Variants in DYNC1I1 observed in about 807,000 individuals in gnomAD.
DYNC1I1 encodes cytoplasmic dynein 1 intermediate chain 1.
A neutral mutation model predicts 86.6 loss-of-function variants in DYNC1I1; 43 were observed. The ratio of observed to expected loss-of-function variants is 0.50; its 90% confidence interval spans 0.39 to 0.64. DYNC1I1 has a LOEUF of 0.64. DYNC1I1 is among the 30% of genes least tolerant of loss of function. The pLI, the probability that DYNC1I1 is intolerant of heterozygous loss-of-function variation, is 0.00. For missense variants in DYNC1I1, 604 were observed against 788.8 expected (o/e 0.77, Z 2.81); for synonymous variants, 262 against 283.7 (o/e 0.92, Z 0.77).
At chr7:96,001,097 A>G (rs1289360094) in intron 10 of DYNC1I1, among the ~76,000 whole-genome samples, 3 of 152,208 alleles carry the variant, frequency 2.0e-5, no homozygotes, top group African/African-American at 4.8e-5. Context: ...TTGTCAACAC[A>G]GAACTCCAGC....
intron 14 of DYNC1I1, among the ~76,000 whole-genome samples, chr7:96,054,086 A>G (rs2116124717): frequency 6.6e-6 from 1 of 152,240 alleles, no homozygotes; most frequent in East Asian, 1.9e-4. Flanking sequence ...TGCTGCACCC[A>G]TCAACCCGTC....
At position 95,797,220 on chromosome 7, in the gene DYNC1I1, T is replaced by TA. The variant is rs199583059; in HGVS notation, c.-9-7492dup. ...GAATTGTGAGCTAAACTAGCGGCCT[T>TA]AAAAAAAAAGAAACACTATTTTTTA... On this transcript the variant is annotated intron_variant, in intron 1 of 16. Transcript: ENST00000447467. Among the ~76,000 whole-genome samples the TA allele has an allele frequency of 5.2e-3, 783 of 151,122 alleles. 7 individuals are homozygous for TA. The highest frequency in any genetic ancestry group is 0.018 in the African/African-American group (742 of 41,292).
chr7:95,988,586 T>A (rs1793654485), intron 9 of DYNC1I1, among the ~76,000 whole-genome samples: 1 of 152,122 alleles, frequency 6.6e-6, no homozygotes, highest in Admixed American at 6.5e-5. Context: ...ACATCAGAAT[T>A]TGAACCTAAG....
At chr7:95,931,553 T>C (rs1791898719) in intron 6 of DYNC1I1, among the ~76,000 whole-genome samples, 1 of 152,248 alleles carries the variant, frequency 6.6e-6, no homozygotes, top group African/African-American at 2.4e-5. Flanking sequence ...AGATATTCCT[T>C]TCATCAGACT....
chr7:95,951,399 TGGGGTGGCCC>T (rs1371818265), intron 6 of DYNC1I1, among the ~76,000 whole-genome samples: 25 of 152,204 alleles, frequency 1.6e-4, no homozygotes, highest in African/African-American at 5.5e-4. Flanking sequence ...TGATAAAACA[TGGGGTGGCCC>T]AACTCAGGAC....
chr7:95,960,039 G>A (rs552359671), intron 6 of DYNC1I1, among the ~76,000 whole-genome samples: 8 of 152,202 alleles, frequency 5.3e-5, no homozygotes, highest in African/African-American at 1.9e-4. Flanking sequence ...GATCACAGGA[G>A]ATCATATATT....
At chr7:95,998,407 T>A (rs1452088734) in intron 10 of DYNC1I1, among the ~76,000 whole-genome samples, 1 of 152,228 alleles carries the variant, frequency 6.6e-6, no homozygotes, top group African/African-American at 2.4e-5. Flanking sequence ...GTGGCTATCT[T>A]TACCACCTTC....
chr7:95,776,963 A>G (rs532289503), intron 1 of DYNC1I1, among the ~76,000 whole-genome samples: 81 of 152,352 alleles, frequency 5.3e-4, no homozygotes, highest in Middle Eastern at 6.8e-3. Flanking sequence ...TCAAGGCCAT[A>G]TGGAGCCAGA....
chr7:96,002,841 T>G (rs1046036668), intron 10 of DYNC1I1, among the ~76,000 whole-genome samples: 6 of 150,340 alleles, frequency 4.0e-5, no homozygotes, highest in East Asian at 1.9e-4. Context: ...TTTTTTTGTG[T>G]TTTTTTTGTT....
intron 6 of DYNC1I1, among the ~76,000 whole-genome samples, chr7:95,915,235 T>A (rs1376259918): frequency 1.3e-5 from 2 of 152,216 alleles, no homozygotes; most frequent in Non-Finnish European, 2.9e-5. Flanking sequence ...CATTGAGCAC[T>A]TTTGTTCCAG....
chr7:96,030,549 C>A (rs931284851), intron 11 of DYNC1I1, among the ~76,000 whole-genome samples: 2 of 152,048 alleles, frequency 1.3e-5, no homozygotes, highest in Non-Finnish European at 2.9e-5. Context: ...TCTAGACTTG[C>A]TTTCTTTCTC....
intron 1 of DYNC1I1, among the ~76,000 whole-genome samples, chr7:95,779,700 GC>G (rs1320905283): frequency 2.0e-5 from 3 of 152,166 alleles, no homozygotes; most frequent in African/African-American, 4.8e-5. Flanking sequence ...TACTCAACAA[GC>G]TTTTGTTGAC....
chr7:95,842,373 G>T (rs1390055696), intron 5 of DYNC1I1, among the ~76,000 whole-genome samples: 1 of 152,150 alleles, frequency 6.6e-6, no homozygotes, highest in Non-Finnish European at 1.5e-5. Context: ...AAAGTTAAAA[G>T]GATAAATGGT....
At chr7:96,037,880 T>G (rs1788909025) in intron 13 of DYNC1I1, among the ~76,000 whole-genome samples, 1 of 152,312 alleles carries the variant, frequency 6.6e-6, no homozygotes, top group East Asian at 1.9e-4. Flanking sequence ...TTTGTAGTCA[T>G]TCTAAATGGG....
chr7:95,889,703 G>A (rs1490870409), intron 6 of DYNC1I1, among the ~76,000 whole-genome samples: 1 of 151,928 alleles, frequency 6.6e-6, no homozygotes, highest in Non-Finnish European at 1.5e-5. Flanking sequence ...ATCTGACAAA[G>A]GTCTAATATC....
At chr7:96,030,441 G>C (rs1024152644) in intron 11 of DYNC1I1, among the ~76,000 whole-genome samples, 2 of 150,472 alleles carry the variant, frequency 1.3e-5, no homozygotes, top group African/African-American at 4.9e-5. Flanking sequence ...CTTAAACTGA[G>C]TTTTATTACT....
downstream of DYNC1I1, among the ~76,000 whole-genome samples, chr7:96,100,842 T>G (rs1791124916): frequency 6.6e-6 from 1 of 151,956 alleles, no homozygotes; most frequent in African/African-American, 2.4e-5. Context: ...TTGAAGGAAA[T>G]GGGTATGTTA....
intron 16 of DYNC1I1, among the ~76,000 whole-genome samples, chr7:96,091,777 T>A (rs1790855730): frequency 1.3e-5 from 2 of 152,192 alleles, no homozygotes. Context: ...TATTTGCATG[T>A]TTAACCCTGG....
chr7:95,955,250 A>T (rs373195932), intron 6 of DYNC1I1, among the ~76,000 whole-genome samples: 1 of 152,240 alleles, frequency 6.6e-6, no homozygotes, highest in East Asian at 1.9e-4. Flanking sequence ...ATAAAAATAC[A>T]CACTTTGTCA....
Sources: allele counts gnomAD v4.1 joint callset (sites outside exome capture counted in the v4.1 genomes callset), GRCh38; gene constraint gnomAD v4.1.1; transcripts MANE v1.5; gene names NCBI Gene and HGNC (gene_info 2026-07-23, HGNC 2026-07-21).